The following KIF24 variants were observed in gnomAD, a reference collection of about 807,000 sequenced individuals.
The protein encoded by KIF24 is kinesin-like protein KIF24.
Under a neutral mutation model 118.9 loss-of-function variants are expected in KIF24, and 81 were observed. That is an observed-to-expected ratio of 0.68 (90% CI 0.57 to 0.82). The LOEUF (loss-of-function observed/expected upper bound fraction) is 0.82. Ranked by LOEUF, KIF24 falls within the 40% of genes least tolerant of loss-of-function variation. The pLI is 0.00. For missense variants in KIF24, 1,560 were observed against 1,661.6 expected (o/e 0.94, Z 1.06); for synonymous variants, 599 against 610.0 (o/e 0.98, Z 0.27).
At chr9:34,326,742 T>C (rs1220235826) in intron 1 of KIF24, among the ~76,000 whole-genome samples, 1 of 152,152 alleles carries the variant, frequency 6.6e-6, no homozygotes, top group African/African-American at 2.4e-5. Flanking sequence ...GGCCAGATTA[T>C]GTAGGGTGTA....
rs985054638 is a variant in KIF24, at chr9:34,318,883, G to A, written c.-25-7512C>T. The A allele has an allele frequency of 3.7e-6, 6 of 1,600,438 alleles. No homozygotes were observed. In the African/African-American group the frequency reaches 5.3e-5, roughly 14 times the overall value. On this transcript the variant is annotated intron_variant, in intron 1 of 12. Transcript: ENST00000402558. The surrounding 1 kb of genome is among the most constrained non-coding windows in gnomAD (Gnocchi z 4.9). Reference sequence around the variant, plus strand: ...AGCACTACAACTGCGAGCACTCCAAGATCAATTTCCATGACAAGCGCAGTG... The same window carrying A: ...AGCACTACAACTGCGAGCACTCCAAAATCAATTTCCATGACAAGCGCAGTG...
At position 34,311,025 on chromosome 9, in the gene KIF24, C is replaced by G. The variant is rs750883554; in HGVS notation, c.322G>C (p.Asp108His). ...AACCCATCATTGCTGGCATTTCTGT[C>G]TTTATTGTCAGCAGGAGAATCAAAA... is the stretch of plus-strand genomic sequence containing the variant. ...LNFDSPADNK[D>H]RNASNDGFEM... Residue 108 changes from aspartate to histidine, a missense_variant, in exon 2 of 13, where the codon GAC becomes CAC. By Grantham distance (81) the Asp-to-His change is moderately conservative. This residue lies in a region of KIF24 where 964 missense variants were observed against 988.0 expected (regional missense o/e 0.98). Coordinates refer to ENST00000402558, the MANE Select transcript of KIF24 (RefSeq NM_194313.4). The G allele has an allele frequency of 1.2e-6, 2 of 1,613,982 alleles. No individual in the cohort carries two copies. The highest frequency in any genetic ancestry group is 1.7e-6 in the Non-Finnish European group (2 of 1,179,874).
chr9:34,268,984 C>T (rs978566690), intron 8 of KIF24, among the ~76,000 whole-genome samples: 1 of 152,090 alleles, frequency 6.6e-6, no homozygotes, highest in East Asian at 1.9e-4. Flanking sequence ...GAAAGCTTAG[C>T]GGAGTTAACC....
chr9:34,316,536 T>A (rs1054009315), intron 1 of KIF24, among the ~76,000 whole-genome samples: 4 of 152,146 alleles, frequency 2.6e-5, no homozygotes, highest in Non-Finnish European at 5.9e-5. Flanking sequence ...TCCACAATGT[T>A]ACCAACTTCA....
rs754503744 is a variant in KIF24 at position 34,286,626 on chromosome 9, G to A, written c.1206C>T (p.Leu402=). 6.2e-7 allele frequency: 1 copy of A among 1,608,860 alleles called. No homozygotes were observed. The highest frequency in any genetic ancestry group is 8.5e-7 in the Non-Finnish European group (1 of 1,175,334). ...LQELQVDSVE[L]LLEVILKGSK... ...AGGAAGAATTAATTACCTCTAAGAG[G>A]AGCTCCACACTGTCCACCTGAAGCT... The change falls in exon 6 of 13, where the codon CTC becomes CTT. Residue 402 remains leucine (L), a synonymous_variant. Coordinates refer to ENST00000402558, the MANE Select transcript of KIF24 (RefSeq NM_194313.4).
Position 34,256,943 on chromosome 9 carries a change from T to C in KIF24, c.2664A>G (p.Leu888=). ...SSPRTGDKKD[L]TKSWVDSRDP... ...CCCTGGAGTCCACCCAGCTTTTAGT[T>C]AGATCTTTCTTGTCACCTGTCCTGG... The change falls in exon 11 of 13, where the codon CTA becomes CTG. Residue 888 remains leucine (L), a synonymous_variant. Coordinates refer to ENST00000402558, the MANE Select transcript of KIF24 (RefSeq NM_194313.4). 6.2e-7 allele frequency: 1 copy of C among 1,613,994 alleles called. No individual in the cohort carries two copies. The highest frequency in any genetic ancestry group is 8.5e-7 in the Non-Finnish European group (1 of 1,179,904).
rs1161107250 is a variant in KIF24 at position 34,306,358 on chromosome 9, C to T, written c.707G>A (p.Arg236Lys). The T allele has an allele frequency of 3.1e-6, 5 of 1,612,248 alleles. No individual in the cohort carries two copies. The highest frequency in any genetic ancestry group is 3.3e-5 in the Admixed American group (2 of 59,976). Residue 236 changes from arginine to lysine, a missense_variant, in exon 3 of 13, where the codon AGG becomes AAG. This residue lies in a region of KIF24 where 964 missense variants were observed against 988.0 expected (regional missense o/e 0.98). Coordinates refer to ENST00000402558, the MANE Select transcript of KIF24 (RefSeq NM_194313.4). ...VCVRKRPLGM[R>K]EVRRGEINII... ...ATTAATTTCTCCACGACGTACCTCC[C>T]TCATGCCCAGGGGGCGTTTTCGAAC...
chr9:34,306,465 T>G (rs1836923891), intron 2 of KIF24, 24 bp from the exon 3 acceptor site: 2 of 1,440,012 alleles, frequency 1.4e-6, no homozygotes. Flanking sequence ...AAACAGGCTT[T>G]TAATTTTTAA....
chr9:34,310,766 T>G lies in KIF24; in HGVS notation c.581A>C (p.His194Pro), dbSNP rs764765032. ...GATTCCATAGTTATACCCTGAAACA[T>G]GAGAGATTCTTTGAATAATGGGAAT... ...CDIPIIQRISHVSGYNYGIPH... is the reference protein window; with the variant it reads ...CDIPIIQRISPVSGYNYGIPH... The change falls in exon 2 of 13, where the codon CAT (histidine) becomes CCT (proline). Residue 194 changes from histidine (H) to proline (P), a missense_variant. Transcript: ENST00000402558. The G allele has an allele frequency of 1.9e-6, 3 of 1,610,758 alleles. No homozygotes were observed. The African/African-American group carries it at 4.0e-5, about 22-fold the overall frequency.
Position 34,306,444 on chromosome 9 carries a change from AAT to A in KIF24, c.624-5_624-4del, listed in dbSNP as rs1836922790. On this transcript the variant is annotated splice_polypyrimidine_tract_variant and splice_region_variant and intron_variant, in intron 2 of 12. Coordinates refer to ENST00000402558, the MANE Select transcript of KIF24 (RefSeq NM_194313.4). The stretch of plus-strand genomic sequence containing the variant: ...TCTGTTTCTCTGAAGTGTTCTGTCT[AAT>A]ATGTTTATAAACAGGCTTTTAATTT... The A allele has an allele frequency of 3.8e-6, 6 of 1,568,038 alleles. No individual in the cohort carries two copies. In the East Asian group the frequency reaches 1.3e-4, roughly 35 times the overall value.
chr9:34,256,982 ACT>A lies in KIF24; in HGVS notation c.2623_2624del (p.Leu876ValfsTer3), dbSNP rs1460190449. The part of the protein sequence containing the change: ...PEKQVAERQQ[S>X]LFSSPRTGDK... ...CACCTGTCCTGGGGCTAGAAAACAG[ACT>A]CTGCTGTCTTTCTGCCACCTGCTTC... On this transcript the variant is annotated frameshift_variant, in exon 11 of 13. Coordinates refer to ENST00000402558, the MANE Select transcript of KIF24 (RefSeq NM_194313.4). LOFTEE classifies it high-confidence loss of function. 3.1e-6 allele frequency: 5 copies of A among 1,613,422 alleles called. No individual in the cohort carries two copies. In the African/African-American group the frequency reaches 5.4e-5, roughly 17 times the overall value.
rs1226287312 is a variant in KIF24, at chr9:34,255,975, C to T, written c.3632G>A (p.Gly1211Glu). 2 of 1,613,976 alleles carry T rather than the reference C, an allele frequency of 1.2e-6. No homozygotes were observed. Among genetic ancestry groups the T allele is most frequent in the East Asian group, 2.2e-5 (1 of 44,878 alleles). Reference sequence around the variant, plus strand: ...GAGCTGGTCAGCCACATCACTACTTCCTGTTCGTGGGGTGAGTGTAGGTCC... The same window carrying T: ...GAGCTGGTCAGCCACATCACTACTTTCTGTTCGTGGGGTGAGTGTAGGTCC... The part of the protein sequence containing the change: ...HSGPTLTPRT[G>E]SSDVADQLWA... Residue 1211 changes from glycine to glutamate, a missense_variant, in exon 11 of 13, where the codon GGA (glycine) becomes GAA (glutamate). Coordinates refer to ENST00000402558, the MANE Select transcript of KIF24 (RefSeq NM_194313.4).
chr9:34,303,800 G>A (rs1342717487), intron 3 of KIF24, among the ~76,000 whole-genome samples: 1 of 152,158 alleles, frequency 6.6e-6, no homozygotes, highest in Admixed American at 6.5e-5. Context: ...AGTGAGCCAG[G>A]ATCATACCAC....
At chr9:34,255,573 C>T (rs968451589) in intron 11 of KIF24, among the ~76,000 whole-genome samples, 162 bp downstream of exon 11, 2 of 152,206 alleles carry the variant, frequency 1.3e-5, no homozygotes, top group Admixed American at 1.3e-4. Context: ...ATTTCTACTT[C>T]CTGTGGAGGG....
Position 34,257,265 on chromosome 9 carries a change from A to C in KIF24, c.2342T>G (p.Leu781Ter), listed in dbSNP as rs144374337. 116 of 1,613,864 alleles carry C rather than the reference A, an allele frequency of 7.2e-5. No homozygotes were observed. Among genetic ancestry groups the C allele is most frequent in the Non-Finnish European group, 9.0e-5 (106 of 1,179,912 alleles). Residue 781 changes from leucine to a stop codon, truncating the protein, a stop_gained, in exon 11 of 13, where the codon TTA (leucine) becomes TGA (stop). Transcript: ENST00000402558. LOFTEE classifies it high-confidence loss of function. ...AGACCTTTTCAGTGGTTGGTATTTTAACTTCTGTTGGAGGAGAGGTGGCTG... is the reference window on the plus strand; with the variant it reads ...AGACCTTTTCAGTGGTTGGTATTTTCACTTCTGTTGGAGGAGAGGTGGCTG... Reference protein sequence around the residue: ...FQQPPLLQQKLKYQPLKRSLR... With the variant: ...FQQPPLLQQK
At chr9:34,306,877 T>C (rs930032040) in intron 2 of KIF24, among the ~76,000 whole-genome samples, 5 of 152,040 alleles carry the variant, frequency 3.3e-5, no homozygotes, top group African/African-American at 1.2e-4. Flanking sequence ...AAGTAAAGTG[T>C]CAACCCTGAG....
intron 2 of KIF24, among the ~76,000 whole-genome samples, chr9:34,307,261 C>T (rs1479178439): frequency 1.3e-5 from 2 of 152,030 alleles, no homozygotes; most frequent in Non-Finnish European, 2.9e-5. Flanking sequence ...GACAGGGTCC[C>T]ACTATCTTGC....
At chr9:34,323,743 T>C (rs1323450782) in intron 1 of KIF24, among the ~76,000 whole-genome samples, 1 of 152,166 alleles carries the variant, frequency 6.6e-6, no homozygotes, top group African/African-American at 2.4e-5. Flanking sequence ...TCCAAAGGAG[T>C]GACATCGAGA....
rs555325962 is a variant in KIF24, at chr9:34,305,954, T to G, written c.813+298A>C. Among the ~76,000 whole-genome samples the G allele has an allele frequency of 4.6e-5, 7 of 152,334 alleles. 1 individual carries two copies. Among genetic ancestry groups the G allele is most frequent in the East Asian group, 3.8e-4 (2 of 5,196 alleles). ...TTATTCCTTCATTCCTCCTTTTTTT[T>G]GCTGAATATGTATAATTAAATTCAC... On this transcript the variant is annotated intron_variant, in intron 3 of 12. Transcript: ENST00000402558.
Sources: allele counts gnomAD v4.1 joint callset (sites outside exome capture counted in the v4.1 genomes callset), GRCh38; gene constraint gnomAD v4.1.1; regional missense constraint gnomAD v4.1.1; non-coding constraint Gnocchi (gnomAD v3.1); transcripts MANE v1.5; gene names NCBI Gene and HGNC (gene_info 2026-07-23, HGNC 2026-07-21).